Variants in CDC42BPB observed in about 807,000 individuals in gnomAD.
The protein encoded by CDC42BPB is serine/threonine-protein kinase MRCK beta.
Under a neutral mutation model 214.9 loss-of-function variants are expected in CDC42BPB, and 37 were observed. The ratio of observed to expected loss-of-function variants is 0.17; its 90% confidence interval spans 0.13 to 0.23. The LOEUF (loss-of-function observed/expected upper bound fraction) is 0.23. Among genes scored for constraint, CDC42BPB ranks in the 10% least tolerant of loss-of-function variants. The pLI, the probability that CDC42BPB is intolerant of heterozygous loss-of-function variation, is 1.00. For missense variants in CDC42BPB, 1,694 were observed against 2,227.0 expected (o/e 0.76, Z 4.82); for synonymous variants, 931 against 884.0 (o/e 1.05, Z -0.94).
At chr14:102,980,742 G>A (rs1352885024) in intron 8 of CDC42BPB, 31 bp downstream of exon 8, 1 of 1,610,148 alleles carries the variant, frequency 6.2e-7, no homozygotes, top group Non-Finnish European at 8.5e-7. Context: ...CCCACAGCCA[G>A]CAACCCTGAG....
chr14:103,003,535 A>G (rs955256881), intron 4 of CDC42BPB, among the ~76,000 whole-genome samples: 2 of 152,256 alleles, frequency 1.3e-5, no homozygotes, highest in African/African-American at 2.4e-5. Context: ...GGAGGACTGC[A>G]GGCCCACGAG....
chr14:103,014,132 C>T (rs1886321652), intron 1 of CDC42BPB, among the ~76,000 whole-genome samples: 1 of 146,922 alleles, frequency 6.8e-6, no homozygotes, highest in African/African-American at 2.5e-5. Flanking sequence ...TGCCACTGCA[C>T]TCTAGCCTGG....
rs901816506 is a variant in CDC42BPB, at chr14:103,020,681, C to T, written c.176-8493G>A. Among the ~76,000 whole-genome samples the T allele has an allele frequency of 4.6e-5, 7 of 152,188 alleles. 1 individual carries two copies. Among genetic ancestry groups the T allele is most frequent in the African/African-American group, 1.7e-4 (7 of 41,448 alleles). On this transcript the variant is annotated intron_variant, in intron 1 of 36. Transcript: ENST00000361246. ...TGCTGAACCCCCGTGAGAGAGAGAG[C>T]ACAGGGCGTGTGCCAGGAGTCAGCG...
intron 8 of CDC42BPB, among the ~76,000 whole-genome samples, chr14:102,979,522 T>C (rs1000073730): frequency 6.6e-6 from 1 of 152,118 alleles, no homozygotes; most frequent in African/African-American, 2.4e-5. Flanking sequence ...CAGATTTACC[T>C]TTTCCATGAC....
At chr14:103,026,204 T>C (rs767974833) in intron 1 of CDC42BPB, among the ~76,000 whole-genome samples, 2 of 151,964 alleles carry the variant, frequency 1.3e-5, no homozygotes, top group Non-Finnish European at 2.9e-5. Context: ...AAGACCATCC[T>C]GGCCAACATG....
At chr14:102,991,858 T>C (rs909023414) in intron 5 of CDC42BPB, among the ~76,000 whole-genome samples, 6 of 152,234 alleles carry the variant, frequency 3.9e-5, no homozygotes, top group Non-Finnish European at 5.9e-5. Context: ...TCCATATATA[T>C]AGTATTTTAA....
rs551755307 is a variant in CDC42BPB at position 102,972,040 on chromosome 14, C to T, written c.1763G>A (p.Arg588His). The change falls in exon 13 of 37, where the codon CGT becomes CAT. Residue 588 changes from arginine to histidine, a missense_variant. By Grantham distance (29) the Arg-to-His change is conservative. Transcript: ENST00000361246. ...SELNERMAEL[R>H]AQKQKVSRQL... Reference sequence around the variant, plus strand: ...CCGGGACACCTTCTGCTTCTGGGCACGGAGCTCTGCCATGCGCTCGTTCAG... The same window carrying T: ...CCGGGACACCTTCTGCTTCTGGGCATGGAGCTCTGCCATGCGCTCGTTCAG... 2.5e-6 allele frequency: 4 copies of T among 1,614,250 alleles called. No individual in the cohort carries two copies. The highest frequency in any genetic ancestry group is 2.2e-5 in the East Asian group (1 of 44,888).
intron 21 of CDC42BPB, 63 bp from the exon 22 acceptor site, chr14:102,954,751 C>T: frequency 1.9e-6 from 3 of 1,546,764 alleles, no homozygotes; most frequent in Non-Finnish European, 2.6e-6. Flanking sequence ...CCAGACTCTA[C>T]TTACAAGTTC....
In CDC42BPB at chr14:102,959,861, G is replaced by A. The variant is rs10615905; in HGVS notation, c.2822-151C>T. The A allele has an allele frequency of 0.021, 20,917 of 1,008,986 alleles. 629 individuals are homozygous for A. In the African/African-American group the frequency reaches 0.21, roughly 10 times the overall value. The allele number at this position is 1,008,986 out of a possible 1,614,324, so 62.5% of individuals were successfully genotyped here. A position where few individuals can be genotyped will look rare whatever the true frequency, so the allele number is the denominator to read the frequency against. ...ATTAAAAAAAAAAAAAAAAAAAAAA[G>A]GGGTCAGGCTTTTCCCCAGAGAGTA... On this transcript the variant is annotated intron_variant, in intron 20 of 36. Transcript: ENST00000361246.
intron 1 of CDC42BPB, among the ~76,000 whole-genome samples, chr14:103,026,723 C>T (rs34508350): frequency 0.027 from 4,139 of 151,972 alleles, 106 homozygotes; most frequent in Non-Finnish European, 0.037. Flanking sequence ...AAAAAATTAG[C>T]CAGGCATGGT....
chr14:102,979,499 G>A (rs937483871), intron 8 of CDC42BPB, among the ~76,000 whole-genome samples: 2 of 152,042 alleles, frequency 1.3e-5, no homozygotes, highest in Admixed American at 6.6e-5. Flanking sequence ...GGGGTGACTC[G>A]CCGCACCCGG....
At chr14:102,961,108 A>G (rs1174754602) in intron 20 of CDC42BPB, among the ~76,000 whole-genome samples, 1 of 152,160 alleles carries the variant, frequency 6.6e-6, no homozygotes, top group African/African-American at 2.4e-5. Flanking sequence ...TTGAGGCTGC[A>G]GTGAACCCTG....
chr14:103,045,927 G>A (rs892401578), intron 1 of CDC42BPB, among the ~76,000 whole-genome samples: 1 of 152,142 alleles, frequency 6.6e-6, no homozygotes, highest in Non-Finnish European at 1.5e-5. Flanking sequence ...CTAAGTGTAC[G>A]ACAAGGGATG....
At chr14:102,939,313 C>T (rs1457659035) in intron 34 of CDC42BPB, among the ~76,000 whole-genome samples, 1 of 152,244 alleles carries the variant, frequency 6.6e-6, no homozygotes, top group Admixed American at 6.5e-5. Context: ...GAAATCACCA[C>T]CTCATGGCAA....
At chr14:102,974,433 T>TCG (rs1893644125) in intron 11 of CDC42BPB, 5 of 887,912 alleles carry the variant, frequency 5.6e-6, no homozygotes, top group Non-Finnish European at 6.7e-6. Flanking sequence ...GCGCACACAC[T>TCG]CGTCTGCTCA....
rs775600626 is a variant in CDC42BPB at position 102,940,094 on chromosome 14, G to A, written c.4543C>T (p.Leu1515Phe). ...PLNSEGTLNLLNCEPPRLIYF... is the reference protein window; with the variant it reads ...PLNSEGTLNLFNCEPPRLIYF... ...ATCAAGCGTGGAGGCTCGCAGTTGA[G>A]GAGGTTGAGGGTGCCTTCAGAGTTC... The change falls in exon 32 of 37, where the codon CTC (leucine) becomes TTC (phenylalanine). Residue 1515 changes from leucine to phenylalanine, a missense_variant. Leu to Phe is a conservative substitution (Grantham distance 22). Transcript: ENST00000361246. 2.7e-5 allele frequency: 43 copies of A among 1,613,984 alleles called. No homozygotes were observed. Among genetic ancestry groups the A allele is most frequent in the Non-Finnish European group, 3.5e-5 (41 of 1,180,012 alleles).
rs373924686 is a variant in CDC42BPB at position 102,988,893 on chromosome 14, A to G, written c.597-2313T>C. Among the ~76,000 whole-genome samples the G allele has an allele frequency of 1.2e-4, 18 of 151,626 alleles. No individual in the cohort carries two copies. In the East Asian group the frequency reaches 1.7e-3, roughly 15 times the overall value. On this transcript the variant is annotated intron_variant, in intron 5 of 36. Transcript: ENST00000361246. ...TTCCAAAAAAAAAAAAAAAACAAAC[A>G]AACCAACACGTGGGTTTTCTTTTTC...
intron 1 of CDC42BPB, among the ~76,000 whole-genome samples, chr14:103,030,572 T>G (rs1242348635): frequency 6.6e-6 from 1 of 152,132 alleles, no homozygotes; most frequent in Non-Finnish European, 1.5e-5. Flanking sequence ...GGTGCACGCC[T>G]GTAGTCCCAG....
chr14:103,004,417 G>A lies in CDC42BPB; in HGVS notation c.352-394C>T, dbSNP rs571571831. The A allele has an allele frequency of 1.1e-5, 2 of 183,104 alleles. No homozygotes were observed. Among genetic ancestry groups the A allele is most frequent in the East Asian group, 1.6e-4 (1 of 6,406 alleles). The allele number at this position is 183,104 out of a possible 1,614,324, so 11.3% of individuals were successfully genotyped here. A position where few individuals can be genotyped will look rare whatever the true frequency, so the allele number is the denominator to read the frequency against. On this transcript the variant is annotated intron_variant, in intron 3 of 36. Transcript: ENST00000361246. The surrounding 1 kb of genome is among the most constrained non-coding windows in gnomAD (Gnocchi z 5.3). ...GCAGCCCCACGTGTCTGCCCTCTCC[G>A]TCCTATACCCACTACTGAGCTGCTG...
Sources: allele counts gnomAD v4.1 joint callset (sites outside exome capture counted in the v4.1 genomes callset), GRCh38; gene constraint gnomAD v4.1.1; non-coding constraint Gnocchi (gnomAD v3.1); transcripts MANE v1.5; gene names NCBI Gene and HGNC (gene_info 2026-07-23, HGNC 2026-07-21).